The following LRRTM4 variants were observed in gnomAD, a reference collection of about 807,000 sequenced individuals.
LRRTM4 encodes the protein leucine-rich repeat transmembrane neuronal protein 4.
A neutral mutation model predicts 47.6 loss-of-function variants in LRRTM4; 25 were observed. That is an observed-to-expected ratio of 0.53 (90% CI 0.38 to 0.73). The LOEUF is 0.73. LRRTM4 is among the 30% of genes least tolerant of loss of function. LRRTM4 has a pLI of 0.00. For synonymous variants in LRRTM4, 311 were observed against 269.5 expected (o/e 1.15, Z -1.51); for missense variants, 638 against 713.4 (o/e 0.89, Z 1.20).
chr2:76,905,927 A>G (rs1186238912), intron 3 of LRRTM4, among the ~76,000 whole-genome samples: 1 of 152,162 alleles, frequency 6.6e-6, no homozygotes, highest in African/African-American at 2.4e-5. Context: ...ACTCTGCAGG[A>G]TATTATCCAA....
chr2:77,440,148 C>T (rs1410632904), intron 3 of LRRTM4, among the ~76,000 whole-genome samples: 3 of 152,194 alleles, frequency 2.0e-5, no homozygotes, highest in Admixed American at 6.5e-5. Flanking sequence ...GGCGCGGTGG[C>T]TCACGCCTGT....
intron 3 of LRRTM4, among the ~76,000 whole-genome samples, chr2:76,960,345 TTG>T (rs1675815181): frequency 6.6e-6 from 1 of 151,726 alleles, no homozygotes; most frequent in African/African-American, 2.4e-5. Context: ...TTTTTATTTT[TTG>T]TTTTATGATT....
intron 3 of LRRTM4, among the ~76,000 whole-genome samples, chr2:76,835,700 T>C (rs1020720162): frequency 2.6e-5 from 4 of 152,164 alleles, no homozygotes; most frequent in African/African-American, 9.6e-5. Flanking sequence ...TGCACATTTA[T>C]TTAGGTATAT....
intron 3 of LRRTM4, among the ~76,000 whole-genome samples, chr2:77,113,927 G>T (rs545867972): frequency 2.4e-4 from 37 of 152,166 alleles, no homozygotes; most frequent in African/African-American, 7.5e-4. Context: ...TCGGGGCCGC[G>T]GAAGCTGCAA....
At chr2:77,083,713 G>A (rs981401951) in intron 3 of LRRTM4, among the ~76,000 whole-genome samples, 6 of 137,984 alleles carry the variant, frequency 4.3e-5, no homozygotes, top group African/African-American at 1.6e-4. Context: ...GTAGAGTGTT[G>A]ATTGTTCTTC....
chr2:76,907,435 A>G, intron 3 of LRRTM4, among the ~76,000 whole-genome samples: 1 of 150,098 alleles, frequency 6.7e-6, no homozygotes, highest in Non-Finnish European at 1.5e-5. Flanking sequence ...TAAAAGAACT[A>G]GAAAAGCAAG....
At chr2:77,402,076 C>A (rs1447549744) in intron 3 of LRRTM4, among the ~76,000 whole-genome samples, 2 of 151,898 alleles carry the variant, frequency 1.3e-5, no homozygotes, top group Admixed American at 6.6e-5. Flanking sequence ...TATGATAATT[C>A]TAAATAAAAA....
intron 3 of LRRTM4, among the ~76,000 whole-genome samples, chr2:76,825,437 A>G (rs770885569): frequency 2.0e-5 from 3 of 151,730 alleles, no homozygotes; most frequent in East Asian, 1.9e-4. Context: ...ATGGAGAAAG[A>G]AAAGTATTAC....
chr2:76,995,781 A>G (rs1341604137), intron 3 of LRRTM4, among the ~76,000 whole-genome samples: 1 of 152,070 alleles, frequency 6.6e-6, no homozygotes, highest in Non-Finnish European at 1.5e-5. Flanking sequence ...TAAGATCCCA[A>G]TTTGCAGGCT....
intron 3 of LRRTM4, among the ~76,000 whole-genome samples, chr2:76,765,586 C>G (rs955173637): frequency 6.6e-6 from 1 of 152,110 alleles, no homozygotes; most frequent in African/African-American, 2.4e-5. Context: ...TTCTTTTTCT[C>G]CCTTTTTCTC....
rs367753183 is a variant in LRRTM4 at position 77,521,338 on chromosome 2, G to A, written c.4+330C>T. On this transcript the variant is annotated intron_variant, in intron 2 of 3. Coordinates refer to ENST00000409884, the MANE Select transcript of LRRTM4 (RefSeq NM_001134745.3). Reference sequence around the variant, plus strand: ...GACAGCTACCAGAAACACAAGCCTCGTTAATATTATCAAGAAATAGAAGCA... The same window carrying A: ...GACAGCTACCAGAAACACAAGCCTCATTAATATTATCAAGAAATAGAAGCA... Among the ~76,000 whole-genome samples the A allele has an allele frequency of 5.9e-5, 9 of 151,896 alleles. No homozygotes were observed. In the East Asian group the frequency reaches 7.8e-4, roughly 13 times the overall value.
At chr2:76,982,410 T>C (rs554009494) in intron 3 of LRRTM4, among the ~76,000 whole-genome samples, 127 of 152,212 alleles carry the variant, frequency 8.3e-4, no homozygotes, top group Non-Finnish European at 1.3e-3. Flanking sequence ...CTTTCTTTGC[T>C]CATGAAGTAA....
intron 3 of LRRTM4, among the ~76,000 whole-genome samples, chr2:77,424,726 A>G (rs1193538517): frequency 1.3e-5 from 2 of 152,192 alleles, no homozygotes; most frequent in African/African-American, 4.8e-5. Flanking sequence ...ACTAAAAATG[A>G]ATCAGAACAA....
chr2:77,029,178 G>A (rs1236908016), intron 3 of LRRTM4, among the ~76,000 whole-genome samples: 2 of 151,266 alleles, frequency 1.3e-5, no homozygotes, highest in East Asian at 3.9e-4. Context: ...GTATTTAGAG[G>A]TTGTATTAGT....
chr2:77,254,866 C>T (rs891835206), intron 3 of LRRTM4, among the ~76,000 whole-genome samples: 2 of 134,602 alleles, frequency 1.5e-5, no homozygotes, highest in African/African-American at 5.5e-5. Flanking sequence ...GAAGTAAAAG[C>T]GAACAGAGAA....
chr2:77,380,296 T>C (rs949771411), intron 3 of LRRTM4, among the ~76,000 whole-genome samples: 1 of 152,130 alleles, frequency 6.6e-6, no homozygotes, highest in African/African-American at 2.4e-5. Flanking sequence ...CATGCACAGT[T>C]CATGAGCTAA....
At chr2:77,328,797 T>C (rs968684443) in intron 3 of LRRTM4, among the ~76,000 whole-genome samples, 5 of 152,156 alleles carry the variant, frequency 3.3e-5, no homozygotes, top group African/African-American at 1.2e-4. Context: ...GGCACATAAA[T>C]TGAAACAAGC....
intron 3 of LRRTM4, among the ~76,000 whole-genome samples, chr2:77,452,237 T>A (rs902201311): frequency 6.6e-6 from 1 of 152,206 alleles, no homozygotes; most frequent in East Asian, 1.9e-4. Flanking sequence ...GTTTATTAAG[T>A]TATTGCAGTG....
At chr2:76,816,811 G>T (rs1409931467) in intron 3 of LRRTM4, among the ~76,000 whole-genome samples, 1 of 120,962 alleles carries the variant, frequency 8.3e-6, no homozygotes, top group South Asian at 2.8e-4. Flanking sequence ...TTTACTTAGA[G>T]GTAAAGAGTT....
Sources: gnomAD v4.1 joint callset for allele counts (sites outside exome capture counted in the v4.1 genomes callset) on GRCh38, gnomAD v4.1.1 for gene constraint, MANE v1.5 for transcripts, NCBI Gene and HGNC (gene_info 2026-07-23, HGNC 2026-07-21) for gene names.